CPB2: variants seen among roughly 807,000 people sequenced by gnomAD.
CPB2 encodes carboxypeptidase B2, also known as carboxypeptidase B-like protein.
A neutral mutation model predicts 57.0 loss-of-function variants in CPB2; 54 were observed. That is an observed-to-expected ratio of 0.95 (90% confidence interval 0.76 to 1.19). CPB2 has a LOEUF of 1.19. Ranked by LOEUF, CPB2 falls within the 50% of genes most tolerant of loss-of-function variation. The pLI, the probability that CPB2 is intolerant of heterozygous loss-of-function variation, is 0.00. For synonymous variants in CPB2, 189 were observed against 178.1 expected, an observed-to-expected ratio of 1.06 and a Z score of -0.49; for missense variants, 426 against 512.0, an observed-to-expected ratio of 0.83 and a Z score of 1.62.
intron 5 of CPB2, among the ~76,000 whole-genome samples, chr13:46,077,996 G>A (rs1247810531): frequency 6.6e-6 from 1 of 152,120 alleles, no homozygotes; most frequent in East Asian, 1.9e-4. Context: ...AAGTTCTAGT[G>A]TGTAGTAGCA....
At chr13:46,078,171 A>T (rs537436403) in intron 5 of CPB2, among the ~76,000 whole-genome samples, 18 of 152,166 alleles carry the variant, frequency 1.2e-4, no homozygotes, top group Non-Finnish European at 2.4e-4. Context: ...GGAGGGAGGG[A>T]GAAAAAAAAT....
chr13:46,082,601 C>T (rs1468779254), intron 3 of CPB2, 52 bp from the exon 4 acceptor site: 23 of 1,147,724 alleles, frequency 2.0e-5, no homozygotes, highest in Non-Finnish European at 2.8e-5. Flanking sequence ...GGTGGATCTT[C>T]CCACATGGCC....
chr13:46,070,270 T>C (rs17844080), intron 6 of CPB2, among the ~76,000 whole-genome samples: 52,258 of 152,058 alleles, frequency 0.34, 9,211 homozygotes, highest in African/African-American at 0.39. Context: ...ATATTCAGTA[T>C]TCGGTAGATT....
At chr13:46,085,261 A>G (rs1456492752) in intron 2 of CPB2, among the ~76,000 whole-genome samples, 1 of 152,204 alleles carries the variant, frequency 6.6e-6, no homozygotes, top group Non-Finnish European at 1.5e-5. Context: ...TTCATACCTG[A>G]CATCTAAAAT....
intron 10 of CPB2, 42 bp from the exon 11 acceptor site, chr13:46,053,840 A>C (rs747027196): frequency 4.3e-5 from 66 of 1,548,600 alleles, no homozygotes; most frequent in Non-Finnish European, 5.6e-5. Context: ...CAGACGTTTC[A>C]AATTAATTTA....
At chr13:46,062,653 A>T (rs918588731) in intron 8 of CPB2, among the ~76,000 whole-genome samples, 1 of 152,080 alleles carries the variant, frequency 6.6e-6, no homozygotes, top group Admixed American at 6.5e-5. Flanking sequence ...AGAGCAACTA[A>T]ATTCATTCAT....
chr13:46,059,239 C>T (rs1307115554), intron 8 of CPB2, among the ~76,000 whole-genome samples: 1 of 152,152 alleles, frequency 6.6e-6, no homozygotes, highest in East Asian at 1.9e-4. Context: ...ATTTTTGCCA[C>T]ATCTCATGTA....
chr13:46,058,594 T>G (rs2044729972), intron 8 of CPB2, among the ~76,000 whole-genome samples: 1 of 152,214 alleles, frequency 6.6e-6, no homozygotes, highest in South Asian at 2.1e-4. Context: ...CTAACAGTCA[T>G]TCCCAGCACC....
chr13:46,092,854 G>A lies in CPB2; in HGVS notation c.75-5034C>T, dbSNP rs756708988. 3.0e-4 allele frequency among the ~76,000 whole-genome samples: 46 copies of A among 152,080 alleles called. 1 individual carries two copies. The highest frequency in any genetic ancestry group is 2.9e-5 in the Non-Finnish European group (2 of 67,998). On this transcript the variant is annotated intron_variant, in intron 1 of 10. Transcript: ENST00000181383. ...TTGTAGGCAATTAGAAGTTAGAAAGGTAACATTTGAGCTGTGATTTATAGG... is the reference window on the plus strand; with the variant it reads ...TTGTAGGCAATTAGAAGTTAGAAAGATAACATTTGAGCTGTGATTTATAGG...
intron 1 of CPB2, among the ~76,000 whole-genome samples, chr13:46,102,595 T>C (rs1165557142): frequency 4.6e-4 from 58 of 126,980 alleles, no homozygotes; most frequent in Middle Eastern, 7.8e-3. Context: ...ACTGTTAGTT[T>C]TTTTTTTTTT....
intron 1 of CPB2, among the ~76,000 whole-genome samples, chr13:46,103,856 TA>T (rs1346005886): frequency 6.6e-6 from 1 of 152,174 alleles, no homozygotes; most frequent in Non-Finnish European, 1.5e-5. Context: ...GATTCACCGA[TA>T]AAATACAGAG....
At chr13:46,094,658 G>A (rs1387750034) in intron 1 of CPB2, among the ~76,000 whole-genome samples, 1 of 152,178 alleles carries the variant, frequency 6.6e-6, no homozygotes, top group Non-Finnish European at 1.5e-5. Flanking sequence ...GGTCGGAGTG[G>A]CAGCCAGAGG....
intron 6 of CPB2, among the ~76,000 whole-genome samples, chr13:46,067,940 G>A (rs2044880511): frequency 3.3e-5 from 5 of 152,150 alleles, no homozygotes; most frequent in Admixed American, 2.6e-4. Context: ...CCTAGGAACT[G>A]GCTATGAATT....
At position 46,102,140 on chromosome 13, in the gene CPB2, T is replaced by C. The variant is rs369789829; in HGVS notation, c.74+2796A>G. 2.2e-4 allele frequency among the ~76,000 whole-genome samples: 33 copies of C among 152,308 alleles called. 1 individual carries two copies. In the East Asian group the frequency reaches 4.1e-3, roughly 19 times the overall value. On this transcript the variant is annotated intron_variant, in intron 1 of 10. Coordinates refer to ENST00000181383, the MANE Select transcript of CPB2 (RefSeq NM_001872.5). ...TATGTGAAGTCAACAGAGGAACACTTCCTGTGGTCTATTAATAATTCAGAA... is the reference window on the plus strand; with the variant it reads ...TATGTGAAGTCAACAGAGGAACACTCCCTGTGGTCTATTAATAATTCAGAA...
intron 9 of CPB2, among the ~76,000 whole-genome samples, chr13:46,057,645 C>A (rs1397281897): frequency 6.6e-6 from 1 of 152,166 alleles, no homozygotes; most frequent in African/African-American, 2.4e-5. Flanking sequence ...TTTGAATTTC[C>A]TGTATTGTCT....
chr13:46,092,033 C>A (rs969848660), intron 1 of CPB2, among the ~76,000 whole-genome samples: 1 of 152,062 alleles, frequency 6.6e-6, no homozygotes, highest in African/African-American at 2.4e-5. Flanking sequence ...GCTCTGAGCC[C>A]CCCCTTTTTT....
chr13:46,058,735 A>T (rs891858460), intron 8 of CPB2, among the ~76,000 whole-genome samples: 1 of 152,106 alleles, frequency 6.6e-6, no homozygotes, highest in Non-Finnish European at 1.5e-5. Context: ...AGTTTTTCTG[A>T]TATTTGTAGT....
chr13:46,082,693 C>T, intron 3 of CPB2, 144 bp from the exon 4 acceptor site: 1 of 536,788 alleles, frequency 1.9e-6, no homozygotes, highest in Non-Finnish European at 3.4e-6. Context: ...AAAAGTAAGA[C>T]ATCTCGCATT....
In CPB2 at chr13:46,092,042, T is replaced by C. The variant is rs983063918; in HGVS notation, c.75-4222A>G. 3.9e-5 allele frequency among the ~76,000 whole-genome samples: 6 copies of C among 152,384 alleles called. No individual in the cohort carries two copies. The East Asian group carries it at 9.6e-4, about 24-fold the overall frequency. ...TTGCCAGCTCTGAGCCCCCCCTTTT[T>C]TTTAACTGAACGAGATTTTTCTTTT... On this transcript the variant is annotated intron_variant, in intron 1 of 10. Coordinates refer to ENST00000181383, the MANE Select transcript of CPB2 (RefSeq NM_001872.5).
Sources: gnomAD v4.1 joint callset for allele counts (sites outside exome capture counted in the v4.1 genomes callset) on GRCh38, gnomAD v4.1.1 for gene constraint, MANE v1.5 for transcripts, NCBI Gene and HGNC (gene_info 2026-07-23, HGNC 2026-07-21) for gene names.